SLC25A21: variants seen among roughly 807,000 people sequenced by gnomAD.
SLC25A21 encodes the protein solute carrier family 25 member 21, also known as mitochondrial 2-oxodicarboxylate carrier.
Under a neutral mutation model 43.8 loss-of-function variants are expected in SLC25A21, and 47 were observed. The observed-to-expected ratio is 1.07, with a 90% CI of 0.85 to 1.37. The LOEUF is 1.37. Among genes scored for constraint, SLC25A21 ranks in the 40% most tolerant of loss-of-function variants. The pLI is 0.00. For missense variants in SLC25A21, 352 were observed against 350.2 expected (o/e 1.00, Z -0.04); for synonymous variants, 131 against 121.3 (o/e 1.08, Z -0.52).
chr14:36,858,578 T>C (rs848048), intron 2 of SLC25A21, among the ~76,000 whole-genome samples: 62,016 of 151,888 alleles, frequency 0.41, 13,766 homozygotes, highest in South Asian at 0.52. Context: ...TGAGTTTGTA[T>C]TTTCTGACCC....
intron 1 of SLC25A21, among the ~76,000 whole-genome samples, chr14:37,076,961 A>T (rs1302315849): frequency 6.6e-6 from 1 of 152,242 alleles, no homozygotes; most frequent in Non-Finnish European, 1.5e-5. Context: ...CATAAAATAT[A>T]AAATTAACGT....
chr14:36,748,507 T>C (rs1265490234), intron 3 of SLC25A21, among the ~76,000 whole-genome samples: 1 of 152,230 alleles, frequency 6.6e-6, no homozygotes, highest in Admixed American at 6.5e-5. Flanking sequence ...TATGCACAGT[T>C]TTCCAGATCA....
intron 1 of SLC25A21, among the ~76,000 whole-genome samples, chr14:37,005,308 A>C (rs1272043399): frequency 1.3e-5 from 2 of 152,016 alleles, no homozygotes; most frequent in Non-Finnish European, 2.9e-5. Flanking sequence ...CATCCGCAGG[A>C]AGCTCAGGCA....
intron 1 of SLC25A21, among the ~76,000 whole-genome samples, chr14:36,935,005 T>C (rs1185505867): frequency 1.3e-5 from 2 of 152,094 alleles, no homozygotes; most frequent in African/African-American, 2.4e-5. Context: ...ATCTTTTTTT[T>C]TTTGAGGGCT....
chr14:37,118,982 C>T (rs1963155926), intron 1 of SLC25A21, among the ~76,000 whole-genome samples: 1 of 152,102 alleles, frequency 6.6e-6, no homozygotes, highest in African/African-American at 2.4e-5. Flanking sequence ...GCCGATAAAA[C>T]AGCATGCAGT....
chr14:36,982,616 A>G (rs1290152049), intron 1 of SLC25A21, among the ~76,000 whole-genome samples: 1 of 152,130 alleles, frequency 6.6e-6, no homozygotes, highest in Non-Finnish European at 1.5e-5. Context: ...GGAGTTCAAG[A>G]CCAGCCTGAC....
intron 1 of SLC25A21, among the ~76,000 whole-genome samples, chr14:36,992,469 C>G (rs78751735): frequency 0.017 from 2,518 of 152,056 alleles, 76 homozygotes; most frequent in African/African-American, 0.058. Flanking sequence ...TTCTTGGACA[C>G]TAATTCTAAG....
chr14:36,830,787 T>C (rs1039923561), intron 2 of SLC25A21, among the ~76,000 whole-genome samples: 2 of 152,152 alleles, frequency 1.3e-5, no homozygotes, highest in African/African-American at 4.8e-5. Context: ...ACCAATTTCA[T>C]GGCTTGGGAT....
intron 1 of SLC25A21, among the ~76,000 whole-genome samples, chr14:37,076,140 A>G (rs1962275939): frequency 6.6e-6 from 1 of 152,184 alleles, no homozygotes; most frequent in Non-Finnish European, 1.5e-5. Flanking sequence ...TAGAGGCCAC[A>G]TTGTAAGACT....
chr14:36,753,425 G>T (rs1162077907), intron 3 of SLC25A21, among the ~76,000 whole-genome samples: 2 of 152,034 alleles, frequency 1.3e-5, no homozygotes, highest in South Asian at 4.2e-4. Flanking sequence ...ATCAAAAGGA[G>T]AGAGAAAATT....
chr14:36,973,347 C>T (rs977812240), intron 1 of SLC25A21, among the ~76,000 whole-genome samples: 20 of 152,118 alleles, frequency 1.3e-4, no homozygotes, highest in Admixed American at 1.2e-3. Context: ...GACATGAACA[C>T]GGAACTGAGC....
intron 2 of SLC25A21, among the ~76,000 whole-genome samples, chr14:36,859,251 G>A (rs538674034): frequency 6.6e-6 from 1 of 152,294 alleles, no homozygotes; most frequent in South Asian, 2.1e-4. Context: ...TAAATGAGAG[G>A]CCAATCTACT....
chr14:37,028,429 T>C (rs1961138836), intron 1 of SLC25A21, among the ~76,000 whole-genome samples: 2 of 152,186 alleles, frequency 1.3e-5, no homozygotes, highest in Middle Eastern at 3.2e-3. Flanking sequence ...ACTTTATTTC[T>C]GCTTCAGCTT....
intron 1 of SLC25A21, among the ~76,000 whole-genome samples, chr14:37,135,064 A>T (rs1295106073): frequency 6.6e-6 from 1 of 151,742 alleles, no homozygotes. Flanking sequence ...AGTAGTTGAG[A>T]TTACAGGCAC....
At chr14:37,085,969 G>A (rs1005064816) in intron 1 of SLC25A21, among the ~76,000 whole-genome samples, 8 of 152,126 alleles carry the variant, frequency 5.3e-5, no homozygotes, top group Non-Finnish European at 1.2e-4. Context: ...GCCGGGCGTG[G>A]TGGCGGGCGC....
intron 2 of SLC25A21, among the ~76,000 whole-genome samples, chr14:36,840,254 G>A (rs1001668488): frequency 6.6e-6 from 1 of 151,868 alleles, no homozygotes; most frequent in Admixed American, 6.6e-5. Flanking sequence ...AATTATCAAA[G>A]GTGTCATTGG....
intron 3 of SLC25A21, among the ~76,000 whole-genome samples, chr14:36,759,433 G>C (rs139957746): frequency 1.6e-4 from 24 of 152,260 alleles, no homozygotes; most frequent in African/African-American, 5.3e-4. Context: ...TGCTGACATA[G>C]AAATGCTTAT....
At chr14:37,151,447 G>A (rs986406892) in intron 1 of SLC25A21, among the ~76,000 whole-genome samples, 10 of 152,324 alleles carry the variant, frequency 6.6e-5, no homozygotes, top group Non-Finnish European at 1.3e-4. Context: ...GCTATGGCTG[G>A]CATTTAAAAA....
chr14:37,151,292 T>G (rs1236073663), intron 1 of SLC25A21, among the ~76,000 whole-genome samples: 2 of 152,198 alleles, frequency 1.3e-5, no homozygotes, highest in Non-Finnish European at 2.9e-5. Context: ...TCTTATTAGT[T>G]GTGTGCGAAT....
Sources: allele counts gnomAD v4.1 joint callset (sites outside exome capture counted in the v4.1 genomes callset), GRCh38; gene constraint gnomAD v4.1.1; transcripts MANE v1.5; gene names NCBI Gene and HGNC (gene_info 2026-07-23, HGNC 2026-07-21).